The following SLC25A53 variants were observed in gnomAD, a reference collection of about 807,000 sequenced individuals.
SLC25A53 encodes the protein solute carrier family 25 member 53, also known as mitochondrial carrier triple repeat protein 6.
A neutral mutation model predicts 15.0 loss-of-function variants in SLC25A53; 5 were observed. The observed-to-expected ratio is 0.33, with a 90% CI of 0.17 to 0.70. The LOEUF (loss-of-function observed/expected upper bound fraction) is 0.70. Ranked by LOEUF, SLC25A53 falls within the 30% of genes least tolerant of loss-of-function variation. The pLI is 0.67. For synonymous variants in SLC25A53, 95 were observed against 100.0 expected, an observed-to-expected ratio of 0.95 and a Z score of 0.30; for missense variants, 216 against 241.6, an observed-to-expected ratio of 0.89 and a Z score of 0.70.
intron 1 of SLC25A53, chrX:104,112,706 C>A (rs2075354284): frequency 8.8e-6 from 1 of 113,235 alleles, no homozygotes; most frequent in South Asian, 3.6e-4. Flanking sequence ...GCCGAGGAGG[C>A]GGCAGAGATC....
chrX:104,128,361 T>G (rs781898062), intron 1 of SLC25A53, among the ~76,000 whole-genome samples: 1 of 112,123 alleles, frequency 8.9e-6, no homozygotes, highest in South Asian at 3.7e-4. Context: ...ATTAATGTAT[T>G]TAAAATAAAT....
intron 1 of SLC25A53, among the ~76,000 whole-genome samples, chrX:104,156,655 G>A (rs2075502245): frequency 9.1e-6 from 1 of 109,597 alleles, no homozygotes; most frequent in Admixed American, 9.7e-5. Context: ...AAATAATGAG[G>A]GGATTCACAC....
chrX:104,142,948 G>A (rs1165762995), intron 1 of SLC25A53, among the ~76,000 whole-genome samples: 2 of 108,348 alleles, frequency 1.8e-5, no homozygotes, highest in African/African-American at 3.4e-5. Context: ...AAAGAAGGCG[G>A]GTGATTTCTG....
Position 104,104,572 on chromosome X carries a change from A to G in SLC25A53, c.686T>C (p.Leu229Pro), listed in dbSNP as rs1556354703. Residue 229 changes from leucine to proline, a missense_variant, in exon 2 of 2, where the codon CTG (leucine) becomes CCG (proline). By Grantham distance (98) the Leu-to-Pro change is moderately conservative (BLOSUM62 -3). Coordinates refer to ENST00000594199, the MANE Select transcript of SLC25A53 (RefSeq NM_001012755.5). ...SVNGTITCLV[L>P]YPLIVLVANM... ...AGCAACCAGCACAATCAGAGGATAC[A>G]GAACTAGGCAGGTGATTGTTCCATT... is the stretch of plus-strand genomic sequence containing the variant. The G allele has an allele frequency of 8.3e-7, 1 of 1,210,123 alleles. No homozygotes were observed. The highest frequency in any genetic ancestry group is 1.1e-6 in the Non-Finnish European group (1 of 895,181).
At chrX:104,125,092 G>A (rs898535200) in intron 1 of SLC25A53, among the ~76,000 whole-genome samples, 18 of 109,520 alleles carry the variant, frequency 1.6e-4, no homozygotes, top group Non-Finnish European at 3.0e-4. Context: ...TGATCTGCCC[G>A]CCTCAGCCTC....
chrX:104,123,334 G>A (rs781858144), intron 1 of SLC25A53, among the ~76,000 whole-genome samples: 79 of 112,603 alleles, frequency 7.0e-4, no homozygotes, highest in African/African-American at 2.3e-3. Context: ...TTGGGGAGGT[G>A]AGTGAGGCTC....
chrX:104,151,102 T>TTA (rs781786581), intron 1 of SLC25A53, among the ~76,000 whole-genome samples: 59 of 111,402 alleles, frequency 5.3e-4, no homozygotes, highest in South Asian at 1.1e-3. Context: ...GCCCCTAAAG[T>TTA]TATATATATA....
rs1294916708 is a variant in SLC25A53 at position 104,114,341 on chromosome X, T to C, written c.-31-9053A>G. The C allele has an allele frequency of 1.7e-6, 2 of 1,209,610 alleles. No homozygotes were observed. Among genetic ancestry groups the C allele is most frequent in the African/African-American group, 3.5e-5 (2 of 57,000 alleles). On this transcript the variant is annotated intron_variant, in intron 1 of 1. Transcript: ENST00000594199. ...AATGAGGTCCTGCCAGATTGGAGTA[T>C]GTCTGAGGAGGAAAAACTCAAGCGC...
At chrX:104,114,428 C>A (rs782578085) in intron 1 of SLC25A53, 1 of 1,211,856 alleles carries the variant, frequency 8.3e-7, no homozygotes, top group Non-Finnish European at 1.1e-6. Context: ...GCGGCCAACC[C>A]CAACCTAAGT....
At chrX:104,136,757 C>A (rs782234894) in intron 1 of SLC25A53, among the ~76,000 whole-genome samples, 91 of 112,019 alleles carry the variant, frequency 8.1e-4, no homozygotes, top group South Asian at 4.8e-3. Context: ...CCATGTCCTG[C>A]AAAGTGTCTT....
rs1569459060 is a variant in SLC25A53, at chrX:104,104,615, AG to A, written c.642del (p.Leu215TrpfsTer13). 1.7e-6 allele frequency: 2 copies of A among 1,211,925 alleles called. No individual in the cohort carries two copies. Among genetic ancestry groups the A allele is most frequent in the African/African-American group, 3.5e-5 (2 of 57,797 alleles). On this transcript the variant is annotated frameshift_variant, in exon 2 of 2. Transcript: ENST00000594199. LOFTEE classifies it high-confidence loss of function. ...AEQGLPHWVP[A>X]LVSGSVNGTI... ...GTTCCATTGACACTACCAGACACCA[AG>A]GCAGGAACCCAGTGGGGCAGGCCTT...
chrX:104,140,322 CGTGTGTGT>C (rs55930796), intron 1 of SLC25A53, among the ~76,000 whole-genome samples: 3 of 100,894 alleles, frequency 3.0e-5, no homozygotes, highest in Admixed American at 1.1e-4. Flanking sequence ...GACAGGATTC[CGTGTGTGT>C]GTGTGTGTGT....
intron 1 of SLC25A53, among the ~76,000 whole-genome samples, chrX:104,149,380 G>T (rs1266185797): frequency 5.3e-5 from 6 of 112,575 alleles, no homozygotes; most frequent in Admixed American, 4.7e-4. Flanking sequence ...ATAATGTCTG[G>T]GGCCTCACCT....
chrX:104,125,141 G>C (rs2075406859), intron 1 of SLC25A53, among the ~76,000 whole-genome samples: 1 of 110,428 alleles, frequency 9.1e-6, no homozygotes, highest in Admixed American at 9.6e-5. Flanking sequence ...CACCACGCCG[G>C]GCCAAAAAAC....
chrX:104,116,471 A>G (rs2075377259), intron 1 of SLC25A53, among the ~76,000 whole-genome samples: 2 of 110,883 alleles, frequency 1.8e-5, no homozygotes, highest in South Asian at 7.7e-4. Flanking sequence ...CCTCAGGGAA[A>G]GGAGCACAGA....
intron 1 of SLC25A53, among the ~76,000 whole-genome samples, chrX:104,130,028 T>C (rs1462633350): frequency 4.5e-5 from 5 of 110,526 alleles, no homozygotes; most frequent in African/African-American, 1.3e-4. Flanking sequence ...GTAGTTTATC[T>C]TGGACTGCAT....
intron 1 of SLC25A53, chrX:104,115,577 A>G: frequency 3.4e-6 from 1 of 297,025 alleles, no homozygotes; most frequent in Non-Finnish European, 6.2e-6. Context: ...ACTTTTTATG[A>G]AAGGAGCATC....
At chrX:104,115,053 C>T in intron 1 of SLC25A53, 1 of 1,197,064 alleles carries the variant, frequency 8.4e-7, no homozygotes, top group Non-Finnish European at 1.1e-6. Flanking sequence ...ATTCCCCCAA[C>T]AATTCTGGGG....
At chrX:104,108,914 G>A (rs1319238500) in intron 1 of SLC25A53, among the ~76,000 whole-genome samples, 4 of 112,332 alleles carry the variant, frequency 3.6e-5, no homozygotes, top group African/African-American at 1.3e-4. Context: ...CTGCCCTCAA[G>A]TGCTTAGAAA....
Sources: allele counts gnomAD v4.1 joint callset (sites outside exome capture counted in the v4.1 genomes callset), GRCh38; gene constraint gnomAD v4.1.1; transcripts MANE v1.5; gene names NCBI Gene and HGNC (gene_info 2026-07-23, HGNC 2026-07-21).